The following DOK6 variants were observed in gnomAD, a reference collection of about 807,000 sequenced individuals.
DOK6 encodes docking protein 6.
In DOK6, 22 loss-of-function variants were observed where a neutral mutation model predicts 44.0. The observed-to-expected ratio is 0.50, with a 90% CI of 0.36 to 0.71. DOK6 has a LOEUF of 0.71. Among genes scored for constraint, DOK6 ranks in the 30% least tolerant of loss-of-function variants. DOK6 has a pLI of 0.00. For synonymous variants in DOK6, 166 were observed against 145.5 expected (o/e 1.14, Z -1.01); for missense variants, 340 against 416.4 (o/e 0.82, Z 1.60).
At chr18:69,525,983 CATT>C (rs1411238983) in intron 1 of DOK6, among the ~76,000 whole-genome samples, 1 of 151,962 alleles carries the variant, frequency 6.6e-6, no homozygotes, top group Non-Finnish European at 1.5e-5. Flanking sequence ...AAAAATTATT[CATT>C]ATTAAGCCAG....
chr18:69,753,038 A>G (rs1979235935), intron 6 of DOK6, among the ~76,000 whole-genome samples: 1 of 152,216 alleles, frequency 6.6e-6, no homozygotes, highest in African/African-American at 2.4e-5. Context: ...TTGAAAAGAT[A>G]GTAACAAAAG....
chr18:69,592,461 G>A (rs944825544), intron 2 of DOK6, among the ~76,000 whole-genome samples: 23 of 151,862 alleles, frequency 1.5e-4, no homozygotes, highest in Admixed American at 9.8e-4. Context: ...GTCTCTACTA[G>A]CACCGTGAAT....
chr18:69,460,143 G>A (rs77742965), intron 1 of DOK6, among the ~76,000 whole-genome samples: 1,579 of 152,168 alleles, frequency 0.01, 36 homozygotes, highest in African/African-American at 0.036. Context: ...GGGATATAAG[G>A]GAGAGGAGAA....
At chr18:69,593,439 G>A (rs1599210933) in intron 2 of DOK6, among the ~76,000 whole-genome samples, 1 of 151,704 alleles carries the variant, frequency 6.6e-6, no homozygotes, top group African/African-American at 2.4e-5. Context: ...TTTCTTTTCT[G>A]GTATCTGTTT....
At chr18:69,563,371 A>G (rs77625454) in intron 1 of DOK6, among the ~76,000 whole-genome samples, 26,063 of 152,140 alleles carry the variant, frequency 0.17, 2,886 homozygotes, top group Middle Eastern at 0.33. Context: ...TTGCAGCACT[A>G]TTCACAATAG....
At chr18:69,732,620 A>G (rs1323481173) in intron 5 of DOK6, among the ~76,000 whole-genome samples, 7 of 152,228 alleles carry the variant, frequency 4.6e-5, no homozygotes, top group African/African-American at 1.7e-4. Flanking sequence ...AGAATAGGGT[A>G]AAATGAAAAC....
chr18:69,444,764 T>C (rs1335659218), intron 1 of DOK6, among the ~76,000 whole-genome samples: 1 of 151,516 alleles, frequency 6.6e-6, no homozygotes, highest in Non-Finnish European at 1.5e-5. Context: ...CTGCCTCAGC[T>C]CCCAAGTAGC....
intron 1 of DOK6, among the ~76,000 whole-genome samples, chr18:69,431,668 A>T (rs1978810238): frequency 6.6e-6 from 1 of 152,182 alleles, no homozygotes; most frequent in African/African-American, 2.4e-5. Flanking sequence ...CACCATAAAT[A>T]CAAGTGTACA....
At chr18:69,645,700 C>G (rs1055955464) in intron 3 of DOK6, among the ~76,000 whole-genome samples, 3 of 152,026 alleles carry the variant, frequency 2.0e-5, no homozygotes, top group African/African-American at 7.2e-5. Flanking sequence ...AAAATGAATA[C>G]TTAGGTCTAC....
intron 3 of DOK6, among the ~76,000 whole-genome samples, chr18:69,631,052 G>T (rs1984679379): frequency 6.6e-6 from 1 of 151,902 alleles, no homozygotes; most frequent in Admixed American, 6.6e-5. Context: ...ATACTTATTT[G>T]CCAGGATATT....
Position 69,690,283 on chromosome 18 carries a change from A to G in DOK6, c.410-8121A>G, listed in dbSNP as rs186214180. Among the ~76,000 whole-genome samples, 42 of 152,312 alleles carry G rather than the reference A, an allele frequency of 2.8e-4. 1 individual carries two copies. The highest frequency in any genetic ancestry group is 9.9e-4 in the African/African-American group (41 of 41,572). Reference sequence around the variant, plus strand: ...ACTGAGCAGATGGCACCTAGCAACTAAATCTATTGCTATTTACACATAATA... The same window carrying G: ...ACTGAGCAGATGGCACCTAGCAACTGAATCTATTGCTATTTACACATAATA... On this transcript the variant is annotated intron_variant, in intron 4 of 7. Transcript: ENST00000382713.
At chr18:69,408,918 C>G (rs356014) in intron 1 of DOK6, among the ~76,000 whole-genome samples, 49,228 of 151,996 alleles carry the variant, frequency 0.32, 8,778 homozygotes, top group African/African-American at 0.47. Flanking sequence ...CTATATGCCA[C>G]TCTCTTATTC....
intron 4 of DOK6, among the ~76,000 whole-genome samples, chr18:69,693,829 C>T (rs183385666): frequency 3.3e-5 from 5 of 151,730 alleles, no homozygotes; most frequent in Admixed American, 6.6e-5. Flanking sequence ...GAGGCAGAGG[C>T]GGGCGGATCA....
intron 1 of DOK6, among the ~76,000 whole-genome samples, chr18:69,426,550 G>A (rs749932463): frequency 6.6e-6 from 1 of 151,838 alleles, no homozygotes; most frequent in Admixed American, 6.6e-5. Context: ...CTAAACTTTG[G>A]GCCATATTAC....
intron 5 of DOK6, among the ~76,000 whole-genome samples, chr18:69,713,856 G>A (rs980242650): frequency 2.0e-5 from 3 of 152,254 alleles, no homozygotes; most frequent in South Asian, 4.1e-4. Context: ...ACCATGAAAC[G>A]TGATGCTACT....
At chr18:69,482,043 A>T (rs1286320170) in intron 1 of DOK6, among the ~76,000 whole-genome samples, 2 of 152,100 alleles carry the variant, frequency 1.3e-5, no homozygotes, top group African/African-American at 4.8e-5. Flanking sequence ...GTCTGTTCAT[A>T]TCCTTTGCCC....
At chr18:69,782,446 C>T (rs181587336) in intron 7 of DOK6, among the ~76,000 whole-genome samples, 5,180 of 152,002 alleles carry the variant, frequency 0.034, 120 homozygotes, top group Non-Finnish European at 0.054. Flanking sequence ...CTCCTGACCT[C>T]GTGATCCCCC....
chr18:69,488,482 G>A (rs1980645673), intron 1 of DOK6, among the ~76,000 whole-genome samples: 2 of 152,078 alleles, frequency 1.3e-5, no homozygotes, highest in African/African-American at 4.8e-5. Flanking sequence ...GTCCGTTTTA[G>A]TACTGCTATG....
At chr18:69,446,398 A>C (rs942497887) in intron 1 of DOK6, among the ~76,000 whole-genome samples, 60 of 151,570 alleles carry the variant, frequency 4.0e-4, no homozygotes, top group African/African-American at 1.4e-3. Context: ...ATCGTTTTTT[A>C]TGGCTGCATA....
Sources: allele counts gnomAD v4.1 joint callset (sites outside exome capture counted in the v4.1 genomes callset), GRCh38; gene constraint gnomAD v4.1.1; transcripts MANE v1.5; gene names NCBI Gene and HGNC (gene_info 2026-07-23, HGNC 2026-07-21).